The following NMRK2 variants were observed in gnomAD, a reference collection of about 807,000 sequenced individuals.
NMRK2 encodes the protein NRK 2.
In NMRK2, 34 loss-of-function variants were observed where a neutral mutation model predicts 24.7. The ratio of observed to expected loss-of-function variants is 1.37; its 90% CI spans 1.05 to 1.83. The LOEUF (loss-of-function observed/expected upper bound fraction) is 1.83. Among genes scored for constraint, NMRK2 ranks in the 40% most tolerant of loss-of-function variants. The pLI is 0.00. For missense variants in NMRK2, 341 were observed against 315.0 expected, an observed-to-expected ratio of 1.08 and a Z score of -0.62; for synonymous variants, 145 against 125.6, an observed-to-expected ratio of 1.15 and a Z score of -1.03.
chr19:3,941,266 T>TTC (rs891855380), intron 7 of NMRK2, 89 bp downstream of exon 7: 5 of 534,934 alleles, frequency 9.3e-6, no homozygotes, highest in African/African-American at 7.4e-5. Context: ...TTTTTTTTTT[T>TTC]CAAGACAGAG....
rs202157781 is a variant in NMRK2, at chr19:3,941,164, C to T, written c.489C>T (p.Asn163=). ...AGTATAGGCAGGAGATGGAGGCCAA[C>T]GGTGTGGAAGTGGGTAAGCCCCTGA... ...YQKYRQEMEA[N]GVEVVYLDGM... The change falls in exon 7 of 8, where the codon AAC becomes AAT. Residue 163 remains asparagine (N), a synonymous_variant. Transcript: ENST00000168977. 35 of 1,360,060 alleles carry T rather than the reference C, an allele frequency of 2.6e-5. No individual in the cohort carries two copies. The highest frequency in any genetic ancestry group is 1.1e-4 in the African/African-American group (7 of 66,020). 84.2% of individuals were successfully genotyped at this position (1,360,060 alleles called of 1,614,324 possible). A position where few individuals can be genotyped will look rare whatever the true frequency, so the allele number is the denominator to read the frequency against.
chr19:3,941,621 C>T (rs549243550), intron 7 of NMRK2, among the ~76,000 whole-genome samples: 1 of 151,540 alleles, frequency 6.6e-6, no homozygotes, highest in East Asian at 2.0e-4. Flanking sequence ...CTCCGTGAGC[C>T]TCGCCCCCAG....
Position 3,936,631 on chromosome 19 carries a change from A to G in NMRK2, c.83A>G (p.Asn28Ser), listed in dbSNP as rs759900005. 3.2e-6 allele frequency: 5 copies of G among 1,573,892 alleles called. No homozygotes were observed. In the African/African-American group the frequency reaches 5.4e-5, roughly 17 times the overall value. The change falls in exon 3 of 8, where the codon AAC becomes AGC. Residue 28 changes from asparagine to serine, a missense_variant. Physicochemically the swap from Asn to Ser is conservative, Grantham distance 46. Transcript: ENST00000168977. ...AACAGCCTGCTCAGAGCCCTGCCCA[A>G]CTGCTGCGTGATCCATCAGGATGAC... ...LTNSLLRALP[N>S]CCVIHQDDFF...
chr19:3,933,688 G>A lies in NMRK2; in HGVS notation c.17G>A (p.Gly6Asp). The change falls in exon 2 of 8, where the codon GGC (glycine) becomes GAC (aspartate). Residue 6 changes from glycine to aspartate, a missense_variant. Physicochemically the swap from Gly to Asp is moderately conservative, Grantham distance 94. Coordinates refer to ENST00000168977, the MANE Select transcript of NMRK2 (RefSeq NM_170678.3). MKLIV[G>D]IGGMTNGGKT... ...CGCACCGGCATGAAGCTCATCGTGG[G>A]CATCGGAGGGTGAGCGCCGGGGGAC... 1 of 1,472,596 alleles carries A rather than the reference G, an allele frequency of 6.8e-7. No individual in the cohort carries two copies. The highest frequency in any genetic ancestry group is 9.0e-7 in the Non-Finnish European group (1 of 1,112,616). 91.2% of individuals were successfully genotyped at this position (1,472,596 alleles called of 1,614,324 possible). A position where few individuals can be genotyped will look rare whatever the true frequency, so the allele number is the denominator to read the frequency against.
chr19:3,935,669 T>A (rs1051268985), intron 2 of NMRK2, among the ~76,000 whole-genome samples: 1 of 151,912 alleles, frequency 6.6e-6, no homozygotes, highest in Admixed American at 6.6e-5. Context: ...AGCCTCGAAC[T>A]CCCAGGCTCA....
chr19:3,941,249 C>CTTTT, intron 7 of NMRK2, 72 bp downstream of exon 7: 1 of 275,284 alleles, frequency 3.6e-6, no homozygotes, highest in African/African-American at 2.7e-5. Flanking sequence ...CCCTCTCCAT[C>CTTTT]TTTTTTTTTT....
At chr19:3,937,185 C>T (rs778573951) in intron 3 of NMRK2, 55 bp from the exon 4 acceptor site, 23 of 1,593,466 alleles carry the variant, frequency 1.4e-5, no homozygotes, top group Admixed American at 1.2e-4. Flanking sequence ...TCACCCAGGC[C>T]GGGGGTGAGG....
chr19:3,938,294 T>C (rs1599162275), intron 4 of NMRK2, among the ~76,000 whole-genome samples: 2 of 118,578 alleles, frequency 1.7e-5, no homozygotes, highest in Non-Finnish European at 1.7e-5. Context: ...TACCCCGGGG[T>C]CCGCCCTCCT....
intron 4 of NMRK2, among the ~76,000 whole-genome samples, chr19:3,938,372 C>T (rs1234372324): frequency 7.5e-6 from 1 of 133,474 alleles, no homozygotes. Flanking sequence ...TCCCCGTCCA[C>T]TATCCCCCAG....
rs1417781519 is a variant in NMRK2 at position 3,941,179 on chromosome 19, T to A, written c.502+2T>A. On this transcript the variant is annotated splice_donor_variant, in intron 7 of 7. Transcript: ENST00000168977. LOFTEE classifies it high-confidence loss of function. Reference sequence around the variant, plus strand: ...TGGAGGCCAACGGTGTGGAAGTGGGTAAGCCCCTGAGCATGACCAGGCCTT... The same window carrying A: ...TGGAGGCCAACGGTGTGGAAGTGGGAAAGCCCCTGAGCATGACCAGGCCTT... The A allele has an allele frequency of 6.8e-7, 1 of 1,479,486 alleles. No individual in the cohort carries two copies. 91.6% of individuals were successfully genotyped at this position (1,479,486 alleles called of 1,614,324 possible).
At chr19:3,936,928 G>A (rs1284717702) in intron 3 of NMRK2, among the ~76,000 whole-genome samples, 1 of 152,164 alleles carries the variant, frequency 6.6e-6, no homozygotes, top group Non-Finnish European at 1.5e-5. Flanking sequence ...CAGTTAGATG[G>A]ATGGGAAAGC....
At chr19:3,933,727 C>A in intron 2 of NMRK2, 30 bp downstream of exon 2, 1 of 1,406,714 alleles carries the variant, frequency 7.1e-7, no homozygotes, top group East Asian at 2.9e-5. Context: ...GTGGGCGGCC[C>A]TGCGGGGCAA....
At chr19:3,936,476 G>A in intron 2 of NMRK2, 99 bp from the exon 3 acceptor site, 2 of 718,662 alleles carry the variant, frequency 2.8e-6, no homozygotes, top group Non-Finnish European at 4.5e-6. Flanking sequence ...GACATGGACA[G>A]GCCCCGGGGA....
intron 2 of NMRK2, among the ~76,000 whole-genome samples, chr19:3,934,370 G>A (rs1265448590): frequency 6.6e-6 from 1 of 152,128 alleles, no homozygotes; most frequent in African/African-American, 2.4e-5. Context: ...TCCCCAAAAT[G>A]TCATTCCACA....
intron 7 of NMRK2, 53 bp from the exon 8 acceptor site, chr19:3,942,030 G>A (rs1305145160): frequency 2.6e-5 from 39 of 1,496,734 alleles, no homozygotes; most frequent in Middle Eastern, 1.7e-4. Context: ...TCGTCCCCCC[G>A]TGCTCTGGCC....
Position 3,941,150 on chromosome 19 carries a change from G to C in NMRK2, c.475G>C (p.Glu159Gln). The change falls in exon 7 of 8, where the codon GAG (glutamate) becomes CAG (glutamine). Residue 159 changes from glutamate to glutamine, a missense_variant. Physicochemically the swap from Glu to Gln is conservative, Grantham distance 29. Transcript: ENST00000168977. Reference sequence around the variant, plus strand: ...GCCCATGTACCAGAAGTATAGGCAGGAGATGGAGGCCAACGGTGTGGAAGT... The same window carrying C: ...GCCCATGTACCAGAAGTATAGGCAGCAGATGGAGGCCAACGGTGTGGAAGT... ...VWPMYQKYRQ[E>Q]MEANGVEVVY... 6.8e-7 allele frequency: 1 copy of C among 1,478,892 alleles called. No homozygotes were observed. The highest frequency in any genetic ancestry group is 9.1e-7 in the Non-Finnish European group (1 of 1,094,806). 91.6% of individuals were successfully genotyped at this position (1,478,892 alleles called of 1,614,324 possible). A position where few individuals can be genotyped will look rare whatever the true frequency, so the allele number is the denominator to read the frequency against.
chr19:3,933,953 TAA>T (rs34748633), intron 2 of NMRK2, among the ~76,000 whole-genome samples: 2 of 149,582 alleles, frequency 1.3e-5, no homozygotes, highest in East Asian at 2.0e-4. Flanking sequence ...ATACTCAGCA[TAA>T]AAAAAAAATA....
At chr19:3,934,926 C>T (rs2145288372) in intron 2 of NMRK2, among the ~76,000 whole-genome samples, 1 of 152,236 alleles carries the variant, frequency 6.6e-6, no homozygotes, top group Middle Eastern at 3.4e-3. Context: ...TCATTTTGCA[C>T]TCAGCGCTGC....
At chr19:3,933,833 G>T in intron 2 of NMRK2, 136 bp downstream of exon 2, 1 of 869,242 alleles carries the variant, frequency 1.2e-6, no homozygotes, top group Admixed American at 3.9e-5. Context: ...CAGAGTGCAG[G>T]GAGGATTTTC....
Sources: gnomAD v4.1 joint callset for allele counts (sites outside exome capture counted in the v4.1 genomes callset) on GRCh38, gnomAD v4.1.1 for gene constraint, MANE v1.5 for transcripts, NCBI Gene and HGNC (gene_info 2026-07-23, HGNC 2026-07-21) for gene names.